LRRIQ3: variants seen among roughly 807,000 people sequenced by gnomAD.
LRRIQ3 encodes leucine rich repeats and IQ motif containing 3, also known as leucine-rich repeat and IQ domain-containing protein 3.
LRRIQ3 carries 75 observed loss-of-function variants against 59.3 expected under a neutral mutation model. That is an observed-to-expected ratio of 1.26 (90% CI 1.05 to 1.53). The LOEUF (loss-of-function observed/expected upper bound fraction) is 1.53, where lower values mean the gene tolerates loss of function less well. Among genes scored for constraint, LRRIQ3 ranks in the 40% most tolerant of loss-of-function variants. The pLI is 0.00. For synonymous variants in LRRIQ3, 250 were observed against 231.3 expected, an observed-to-expected ratio of 1.08 and a Z score of -0.73; for missense variants, 831 against 710.0, an observed-to-expected ratio of 1.17 and a Z score of -1.94.
chr1:74,149,823 T>C (rs1350412726), intron 4 of LRRIQ3, among the ~76,000 whole-genome samples: 1 of 152,212 alleles, frequency 6.6e-6, no homozygotes, highest in Non-Finnish European at 1.5e-5. Flanking sequence ...TATTATTTTG[T>C]CTTTTGCTTT....
At chr1:74,113,408 T>G (rs1646731052) in intron 4 of LRRIQ3, among the ~76,000 whole-genome samples, 1 of 151,684 alleles carries the variant, frequency 6.6e-6, no homozygotes, top group Admixed American at 6.6e-5. Flanking sequence ...TTTGAAAAAT[T>G]AATCTACACA....
intron 4 of LRRIQ3, among the ~76,000 whole-genome samples, chr1:74,115,016 C>G (rs986231099): frequency 4.6e-5 from 7 of 151,620 alleles, no homozygotes; most frequent in Non-Finnish European, 8.8e-5. Context: ...CATTTTCTTT[C>G]TAAAATATAC....
chr1:74,070,892 G>T (rs2100468164), intron 6 of LRRIQ3, among the ~76,000 whole-genome samples: 1 of 151,478 alleles, frequency 6.6e-6, no homozygotes, highest in East Asian at 1.9e-4. Flanking sequence ...AAAAAATAGA[G>T]AAATTATATT....
chr1:74,141,923 A>G (rs1647271385), intron 4 of LRRIQ3, among the ~76,000 whole-genome samples: 1 of 151,840 alleles, frequency 6.6e-6, no homozygotes, highest in African/African-American at 2.4e-5. Flanking sequence ...CTTCCCCTAA[A>G]GAATTCTCAT....
chr1:74,078,937 T>G (rs1217128510), intron 5 of LRRIQ3, among the ~76,000 whole-genome samples: 2 of 151,896 alleles, frequency 1.3e-5, no homozygotes, highest in African/African-American at 4.8e-5. Context: ...TTAACCCTTC[T>G]TCTGAAACCT....
intron 5 of LRRIQ3, among the ~76,000 whole-genome samples, chr1:74,077,707 A>G (rs1188705258): frequency 6.6e-6 from 1 of 152,002 alleles, no homozygotes; most frequent in Non-Finnish European, 1.5e-5. Flanking sequence ...GGGTACATAT[A>G]TGACAGGGGA....
chr1:74,055,969 C>T (rs574931477), intron 6 of LRRIQ3, among the ~76,000 whole-genome samples: 1 of 151,946 alleles, frequency 6.6e-6, no homozygotes, highest in African/African-American at 2.4e-5. Flanking sequence ...ACGGAGAAAG[C>T]CCGTCTCTAC....
intron 4 of LRRIQ3, among the ~76,000 whole-genome samples, chr1:74,119,809 A>C (rs980307078): frequency 6.6e-6 from 1 of 152,096 alleles, no homozygotes; most frequent in African/African-American, 2.4e-5. Context: ...TGCCAATAAA[A>C]TCATATATCG....
At chr1:74,138,051 CTGCA>C (rs556401957) in intron 4 of LRRIQ3, among the ~76,000 whole-genome samples, 19 of 151,398 alleles carry the variant, frequency 1.3e-4, no homozygotes, top group Admixed American at 4.0e-4. Context: ...TATAACAAAC[CTGCA>C]TGTTCTGCAC....
intron 5 of LRRIQ3, among the ~76,000 whole-genome samples, chr1:74,088,347 A>G (rs1291981253): frequency 6.6e-6 from 1 of 152,132 alleles, no homozygotes; most frequent in Non-Finnish European, 1.5e-5. Context: ...AGGATAATAG[A>G]TTTAAATATT....
chr1:74,174,548 ATTT>A lies in LRRIQ3; in HGVS notation c.573+7987_573+7989del, dbSNP rs34076332. On this transcript the variant is annotated intron_variant, in intron 3 of 7. Transcript: ENST00000354431. Reference sequence around the variant, plus strand: ...CAGGCACCTGCCATCATGCCTGGCTATTTTTTTTTTTTTTTTTGTATTTTTAGT... The same window carrying A: ...CAGGCACCTGCCATCATGCCTGGCTATTTTTTTTTTTTTTGTATTTTTAGT... 4.0e-3 allele frequency among the ~76,000 whole-genome samples: 539 copies of A among 134,628 alleles called. 4 individuals are homozygous for A. Among genetic ancestry groups the A allele is most frequent in the African/African-American group, 7.3e-3 (263 of 36,242 alleles). 88.3% of individuals were successfully genotyped at this position (134,628 alleles called of 152,430 possible). A position where few individuals can be genotyped will look rare whatever the true frequency, so the allele number is the denominator to read the frequency against.
intron 4 of LRRIQ3, among the ~76,000 whole-genome samples, chr1:74,124,484 T>C (rs1024070800): frequency 6.6e-6 from 1 of 151,970 alleles, no homozygotes; most frequent in Non-Finnish European, 1.5e-5. Flanking sequence ...AGTAGTTTCA[T>C]AGTTTGAGGT....
At chr1:74,043,911 C>T (rs1172169998) in intron 6 of LRRIQ3, among the ~76,000 whole-genome samples, 2 of 152,020 alleles carry the variant, frequency 1.3e-5, no homozygotes, top group Admixed American at 6.6e-5. Context: ...GCCTTTGCTT[C>T]TATTATTTTA....
intron 4 of LRRIQ3, among the ~76,000 whole-genome samples, chr1:74,129,422 C>T (rs1038773957): frequency 6.6e-6 from 1 of 151,972 alleles, no homozygotes; most frequent in Admixed American, 6.6e-5. Flanking sequence ...TTCAAGGACC[C>T]AGGGCTCTTT....
At chr1:74,159,374 T>A (rs12404294) in intron 3 of LRRIQ3, among the ~76,000 whole-genome samples, 46,186 of 152,036 alleles carry the variant, frequency 0.3, 7,775 homozygotes, top group Middle Eastern at 0.45. Context: ...CTAACTGAGA[T>A]ATCTGGTCTA....
At chr1:74,118,178 C>G (rs1348010866) in intron 4 of LRRIQ3, among the ~76,000 whole-genome samples, 1 of 151,428 alleles carries the variant, frequency 6.6e-6, no homozygotes, top group East Asian at 1.9e-4. Flanking sequence ...AAATTGTATA[C>G]ACACACACAC....
intron 6 of LRRIQ3, among the ~76,000 whole-genome samples, chr1:74,049,048 C>T (rs746541274): frequency 6.6e-6 from 1 of 151,992 alleles, no homozygotes; most frequent in African/African-American, 2.4e-5. Flanking sequence ...TCTGATTTAA[C>T]CCTAGATGAG....
At chr1:74,105,516 G>A (rs1465449689) in intron 5 of LRRIQ3, among the ~76,000 whole-genome samples, 1 of 151,912 alleles carries the variant, frequency 6.6e-6, no homozygotes, top group Admixed American at 6.6e-5. Context: ...GCCTCCCTAA[G>A]TGCTGAGATT....
At chr1:74,113,485 T>A (rs1646732391) in intron 4 of LRRIQ3, among the ~76,000 whole-genome samples, 1 of 152,046 alleles carries the variant, frequency 6.6e-6, no homozygotes, top group African/African-American at 2.4e-5. Flanking sequence ...TATTGAAATC[T>A]AAAGACAGAA....
Sources: gnomAD v4.1 joint callset for allele counts (sites outside exome capture counted in the v4.1 genomes callset) on GRCh38, gnomAD v4.1.1 for gene constraint, MANE v1.5 for transcripts, NCBI Gene and HGNC (gene_info 2026-07-23, HGNC 2026-07-21) for gene names.